The following SERINC4 variants were observed in gnomAD, a reference collection of about 807,000 sequenced individuals.
The protein encoded by SERINC4 is serine incorporator 4.
A neutral mutation model predicts 52.0 loss-of-function variants in SERINC4; 52 were observed. The ratio of observed to expected loss-of-function variants is 1.00; its 90% CI spans 0.80 to 1.26. The LOEUF (loss-of-function observed/expected upper bound fraction) is 1.26. SERINC4 is among the 50% of genes most tolerant of loss of function. The pLI is 0.00. For missense variants in SERINC4, 723 were observed against 632.8 expected (o/e 1.14, Z -1.53); for synonymous variants, 264 against 247.7 (o/e 1.07, Z -0.62).
At position 43,795,716 on chromosome 15, in the gene SERINC4, G is replaced by A; in HGVS notation, c.1161C>T (p.Cys387=). The stretch of plus-strand genomic sequence containing the variant: ...TGTCTGCCTCCACTGTTTCAGGGCA[G>A]CAGAAACACAGTGAGGGCTTCTGCA... ...YEFQKPSLCF[C]CPETVEADKG... Residue 387 remains cysteine, a synonymous_variant, in exon 10 of 12, where the codon TGC becomes TGT. Coordinates refer to ENST00000319327, the MANE Select transcript of SERINC4 (RefSeq NM_001258031.2). 6.8e-6 allele frequency: 11 copies of A among 1,614,032 alleles called. No individual in the cohort carries two copies. The highest frequency in any genetic ancestry group is 9.3e-6 in the Non-Finnish European group (11 of 1,179,964).
chr15:43,799,413 C>G lies in SERINC4; in HGVS notation c.176G>C (p.Cys59Ser). 1 of 1,550,834 alleles carries G rather than the reference C, an allele frequency of 6.4e-7. No individual in the cohort carries two copies. Among genetic ancestry groups the G allele is most frequent in the Non-Finnish European group, 8.7e-7 (1 of 1,147,034 alleles). Residue 59 changes from cysteine (C) to serine (S), a missense_variant, in exon 2 of 12, where the codon TGC becomes TCC. Transcript: ENST00000319327. ...GAGGAGGATGTAGAACAGGCGGCTG[C>G]AAGTGGATGCGGTGAGAGAGGGCCA... ...SRWPSLTAST[C>S]SRLFYILLHV...
Position 43,797,227 on chromosome 15 carries a change from C to G in SERINC4, c.762G>C (p.Leu254=). ...GCAGACTGAGGAGCATCTTGTTAAG[C>G]AGGCAGCCAGCTGGGTGTGTATAAT... ...FHYYTHPAGC[L]LNKMLLSLHL... is the part of the protein sequence containing the mutation. Residue 254 remains leucine, a synonymous_variant, in exon 6 of 12, where the codon CTG becomes CTC. Transcript: ENST00000319327. The G allele has an allele frequency of 6.4e-7, 1 of 1,550,690 alleles. No individual in the cohort carries two copies.
rs549311835 is a variant in SERINC4 at position 43,796,489 on chromosome 15, G to T, written c.1067+127C>A. On this transcript the variant is annotated intron_variant, in intron 8 of 11. Coordinates refer to ENST00000319327, the MANE Select transcript of SERINC4 (RefSeq NM_001258031.2). ...CTATTCTTAGAATTTGTCCCTGTTT[G>T]TGGGGAGCTTTTCTCACTCTAGTCT... is the stretch of plus-strand genomic sequence containing the variant. 7.7e-6 allele frequency: 8 copies of T among 1,033,110 alleles called. No homozygotes were observed. In the African/African-American group the frequency reaches 1.1e-4, roughly 14 times the overall value. 64.0% of individuals were successfully genotyped at this position (1,033,110 alleles called of 1,614,324 possible). A position where few individuals can be genotyped will look rare whatever the true frequency, so the allele number is the denominator to read the frequency against.
rs150833198 is a variant in SERINC4 at position 43,796,905 on chromosome 15, T to C, written c.880A>G (p.Ile294Val). 1.2e-6 allele frequency: 2 copies of C among 1,614,036 alleles called. No individual in the cohort carries two copies. Among genetic ancestry groups the C allele is most frequent in the Non-Finnish European group, 1.7e-6 (2 of 1,180,008 alleles). Residue 294 changes from isoleucine to valine, a missense_variant, in exon 7 of 12, where the codon ATC (isoleucine) becomes GTC (valine). Ile to Val is a conservative substitution (Grantham distance 29). Coordinates refer to ENST00000319327, the MANE Select transcript of SERINC4 (RefSeq NM_001258031.2). ...PRSGLLQASV[I>V]SCYIMYLTFS... is the part of the protein sequence containing the mutation. ...GTCAGATACATGATATAGCAGCTGATGACAGAAGCTTGTAGGAGGCCAGAG... is the reference window on the plus strand; with the variant it reads ...GTCAGATACATGATATAGCAGCTGACGACAGAAGCTTGTAGGAGGCCAGAG...
rs1323713481 is a variant in SERINC4, at chr15:43,794,860, T to C, written c.*140A>G. On this transcript the variant is annotated 3_prime_UTR_variant, in exon 12 of 12. Coordinates refer to ENST00000319327, the MANE Select transcript of SERINC4 (RefSeq NM_001258031.2). The stretch of plus-strand genomic sequence containing the variant: ...ACATTAGACTGTGTTTGACCACTTC[T>C]TCCAGTTCATAGTATTGACTTCAGC... 3 of 678,556 alleles carry C rather than the reference T, an allele frequency of 4.4e-6. No homozygotes were observed. The highest frequency in any genetic ancestry group is 5.1e-6 in the Non-Finnish European group (2 of 394,456). 42.0% of individuals were successfully genotyped at this position (678,556 alleles called of 1,614,324 possible).
chr15:43,794,896 A>T lies in SERINC4; in HGVS notation c.*104T>A. On this transcript the variant is annotated 3_prime_UTR_variant, in exon 12 of 12. Coordinates refer to ENST00000319327, the MANE Select transcript of SERINC4 (RefSeq NM_001258031.2). ...AGTATTGACTTCAGCCCAAACGGAGATAACTCCCTGTGTGTCCTTGAGGTA... is the reference window on the plus strand; with the variant it reads ...AGTATTGACTTCAGCCCAAACGGAGTTAACTCCCTGTGTGTCCTTGAGGTA... The T allele has an allele frequency of 1.2e-6, 1 of 861,384 alleles. No homozygotes were observed. The highest frequency in any genetic ancestry group is 1.8e-6 in the Non-Finnish European group (1 of 548,202). 53.4% of individuals were successfully genotyped at this position (861,384 alleles called of 1,614,324 possible).
chr15:43,798,092 C>T, intron 4 of SERINC4, 79 bp from the exon 5 acceptor site: 1 of 1,028,504 alleles, frequency 9.7e-7, no homozygotes, highest in Non-Finnish European at 1.5e-6. Context: ...CTCTGTCACC[C>T]AGGCTAGAGT....
Position 43,796,163 on chromosome 15 carries a change from CAT to C in SERINC4, c.1130_1131del (p.Tyr377Ter). ...GAGCTCTTTATCCTCACCTGAAACT[CAT>C]AGCTGTAAACCTTGACAATCCACAG... ...GPLWIVKVYS[Y>X]EFQKPSLCFC... On this transcript the variant is annotated frameshift_variant, in exon 9 of 12. Transcript: ENST00000319327. LOFTEE classifies it high-confidence loss of function. 6.2e-7 allele frequency: 1 copy of C among 1,612,946 alleles called. No homozygotes were observed. The highest frequency in any genetic ancestry group is 1.3e-5 in the African/African-American group (1 of 74,998).
At chr15:43,797,022 A>C in intron 6 of SERINC4, 82 bp from the exon 7 acceptor site, 1 of 1,467,410 alleles carries the variant, frequency 6.8e-7, no homozygotes, top group East Asian at 2.3e-5. Context: ...CTGTCTCCCC[A>C]TCCTTTGGTG....
chr15:43,794,818 C>T lies in SERINC4; in HGVS notation c.*182G>A, dbSNP rs2087163881. The stretch of plus-strand genomic sequence containing the variant: ...AGATGTAACAGTAGCTCCAGTGAGT[C>T]AGACACTCTGCCCAGCACATTAGAC... On this transcript the variant is annotated 3_prime_UTR_variant, in exon 12 of 12. Coordinates refer to ENST00000319327, the MANE Select transcript of SERINC4 (RefSeq NM_001258031.2). 1.0e-5 allele frequency: 6 copies of T among 579,158 alleles called. No homozygotes were observed. Among genetic ancestry groups the T allele is most frequent in the Non-Finnish European group, 1.5e-5 (5 of 327,210 alleles). 35.9% of individuals were successfully genotyped at this position (579,158 alleles called of 1,614,324 possible).
At chr15:43,798,353 C>T in intron 4 of SERINC4, 72 bp downstream of exon 4, 1 of 1,188,450 alleles carries the variant, frequency 8.4e-7, no homozygotes, top group Admixed American at 1.7e-5. Context: ...CCGGCCATTA[C>T]TCCTCTTCTT....
intron 5 of SERINC4, 22 bp from the exon 6 acceptor site, chr15:43,797,378 T>C (rs1258980665): frequency 3.3e-6 from 5 of 1,526,486 alleles, no homozygotes; most frequent in Non-Finnish European, 3.5e-6. Context: ...AAGTGGGCAA[T>C]GGCTTGGAGC....
In SERINC4 at chr15:43,795,432, G is replaced by A; in HGVS notation, c.1299C>T (p.Phe433=). 1 of 1,614,208 alleles carries A rather than the reference G, an allele frequency of 6.2e-7. No homozygotes were observed. The highest frequency in any genetic ancestry group is 8.5e-7 in the Non-Finnish European group (1 of 1,180,020). Reference sequence around the variant, plus strand: ...TAACCATGACATAGAGTGAGGCAAGGAAGAAGACGAAGTGGAAGGCAGAAT... The same window carrying A: ...TAACCATGACATAGAGTGAGGCAAGAAAGAAGACGAAGTGGAAGGCAGAAT... ...YNYSAFHFVF[F]LASLYVMVTL... is the part of the protein sequence containing the mutation. Residue 433 remains phenylalanine, a synonymous_variant, in exon 11 of 12, where the codon TTC becomes TTT. Transcript: ENST00000319327.
Position 43,794,999 on chromosome 15 carries a change from C to A in SERINC4, c.*1G>T. On this transcript the variant is annotated 3_prime_UTR_variant, in exon 12 of 12. Transcript: ENST00000319327. ...GGGGAACCCCAGTTTGTGAAAAGGA[C>A]TTAGACTGGAGGATATTTGTTATCT... 6.2e-7 allele frequency: 1 copy of A among 1,608,132 alleles called. No individual in the cohort carries two copies. Among genetic ancestry groups the A allele is most frequent in the Non-Finnish European group, 8.5e-7 (1 of 1,177,976 alleles).
intron 4 of SERINC4, 38 bp from the exon 5 acceptor site, chr15:43,798,051 TAC>T: frequency 3.4e-6 from 5 of 1,488,572 alleles, no homozygotes; most frequent in Admixed American, 1.8e-5. Flanking sequence ...GTCAAATTGT[TAC>T]TTTTTTTTTT....
chr15:43,798,132 C>T (rs2087249646), intron 4 of SERINC4, 119 bp from the exon 5 acceptor site: 1 of 705,976 alleles, frequency 1.4e-6, no homozygotes, highest in African/African-American at 1.8e-5. Flanking sequence ...TCACTGCAAC[C>T]TCTGCCTCCC....
At position 43,798,858 on chromosome 15, in the gene SERINC4, T is replaced by C. The variant is rs934253382; in HGVS notation, c.458+101A>G. On this transcript the variant is annotated intron_variant, in intron 3 of 11. Transcript: ENST00000319327. ...AGCAGGGACTTAAACCTGTTTTCTG[T>C]CTTTTTACAGTGCTATTACTTCATC... 6 of 1,214,468 alleles carry C rather than the reference T, an allele frequency of 4.9e-6. No homozygotes were observed. In the African/African-American group the frequency reaches 9.0e-5, roughly 18 times the overall value. The allele number at this position is 1,214,468 out of a possible 1,614,324, so 75.2% of individuals were successfully genotyped here. A position where few individuals can be genotyped will look rare whatever the true frequency, so the allele number is the denominator to read the frequency against.
chr15:43,797,975 T>C lies in SERINC4; in HGVS notation c.577A>G (p.Ile193Val). The stretch of plus-strand genomic sequence containing the variant: ...GTAATAAGCACCAACTGCAGTAGGA[T>C]GAATGCAAAGCCTCCACAGATGCCA... ...YIGICGGFAF[I>V]LLQLVLITAF... The change falls in exon 5 of 12, where the codon ATC becomes GTC. Residue 193 changes from isoleucine (I) to valine (V), a missense_variant. Ile to Val is a conservative substitution (Grantham distance 29). Coordinates refer to ENST00000319327, the MANE Select transcript of SERINC4 (RefSeq NM_001258031.2). 1 of 1,613,894 alleles carries C rather than the reference T, an allele frequency of 6.2e-7. No homozygotes were observed. Among genetic ancestry groups the C allele is most frequent in the Non-Finnish European group, 8.5e-7 (1 of 1,179,872 alleles).
chr15:43,796,252 C>T (rs1182521880), intron 8 of SERINC4, 25 bp from the exon 9 acceptor site: 2 of 1,587,120 alleles, frequency 1.3e-6, no homozygotes, highest in South Asian at 2.2e-5. Flanking sequence ...AGTTCTTAAG[C>T]TGGTTTAGTT....
Sources: gnomAD v4.1 joint callset for allele counts on GRCh38, gnomAD v4.1.1 for gene constraint, MANE v1.5 for transcripts, NCBI Gene and HGNC (gene_info 2026-07-23, HGNC 2026-07-21) for gene names.